The following XPNPEP3 variants were observed in gnomAD, a reference collection of about 807,000 sequenced individuals.
XPNPEP3 encodes the protein X-prolyl aminopeptidase 3.
A neutral mutation model predicts 60.0 loss-of-function variants in XPNPEP3; 41 were observed. The observed-to-expected ratio is 0.68, with a 90% CI of 0.53 to 0.89. XPNPEP3 has a LOEUF of 0.89. Ranked by LOEUF, XPNPEP3 falls within the 40% of genes least tolerant of loss-of-function variation. XPNPEP3 has a pLI of 0.00. For synonymous variants in XPNPEP3, 212 were observed against 223.2 expected (o/e 0.95, Z 0.45); for missense variants, 598 against 638.9 (o/e 0.94, Z 0.69).
At chr22:40,860,772 T>A in intron 1 of XPNPEP3, 3 of 706,646 alleles carry the variant, frequency 4.2e-6, no homozygotes, top group Non-Finnish European at 6.8e-6. Context: ...TCTACCAGCT[T>A]CCCGAGTAGC....
At chr22:40,877,860 C>A (rs1232035502) in intron 2 of XPNPEP3, among the ~76,000 whole-genome samples, 1 of 152,156 alleles carries the variant, frequency 6.6e-6, no homozygotes, top group Non-Finnish European at 1.5e-5. Flanking sequence ...AAGGTCATTG[C>A]TTTAACACAT....
chr22:40,922,184 C>CT, intron 7 of XPNPEP3, 149 bp from the exon 8 acceptor site: 1 of 858,544 alleles, frequency 1.2e-6, no homozygotes, highest in East Asian at 2.6e-5. Flanking sequence ...GATTGAGCTC[C>CT]TGGCCATATT....
At chr22:40,882,614 G>C (rs570126966) in intron 3 of XPNPEP3, among the ~76,000 whole-genome samples, 103 of 151,492 alleles carry the variant, frequency 6.8e-4, no homozygotes, top group South Asian at 4.8e-3. Context: ...TCCAGCCTAG[G>C]CAACAAAGCA....
intron 9 of XPNPEP3, among the ~76,000 whole-genome samples, chr22:40,925,001 A>G (rs1788357435): frequency 6.6e-6 from 1 of 152,214 alleles, no homozygotes; most frequent in African/African-American, 2.4e-5. Flanking sequence ...ATAAGTAGAT[A>G]TTAAGAAATG....
chr22:40,861,471 GC>G, intron 1 of XPNPEP3: 1 of 1,614,138 alleles, frequency 6.2e-7, no homozygotes, highest in South Asian at 1.1e-5. Flanking sequence ...ATTATCAAAA[GC>G]CAGGGAAGAG....
At chr22:40,865,699 G>A (rs184981400) in intron 1 of XPNPEP3, among the ~76,000 whole-genome samples, 15 of 148,884 alleles carry the variant, frequency 1.0e-4, no homozygotes, top group Admixed American at 7.4e-4. Context: ...TGTGGGGGGC[G>A]GGGGGGCAGC....
intron 1 of XPNPEP3, among the ~76,000 whole-genome samples, chr22:40,863,022 C>T (rs1267581951): frequency 6.6e-6 from 1 of 152,172 alleles, no homozygotes; most frequent in Non-Finnish European, 1.5e-5. Flanking sequence ...ATTGCTGAGA[C>T]CTATATGACA....
intron 4 of XPNPEP3, among the ~76,000 whole-genome samples, chr22:40,897,095 A>G (rs1209660712): frequency 7.2e-6 from 1 of 138,950 alleles, no homozygotes; most frequent in African/African-American, 2.7e-5. Context: ...GCAGTGGCGC[A>G]ATCTCGGCTC....
At chr22:40,897,916 C>T (rs2058115373) in intron 4 of XPNPEP3, among the ~76,000 whole-genome samples, 1 of 151,990 alleles carries the variant, frequency 6.6e-6, no homozygotes, top group Non-Finnish European at 1.5e-5. Context: ...TTCCTTTGCC[C>T]ATTTTTTAAA....
chr22:40,911,542 CTTT>C (rs761099280), intron 6 of XPNPEP3, among the ~76,000 whole-genome samples: 2 of 137,570 alleles, frequency 1.5e-5, no homozygotes, highest in African/African-American at 2.6e-5. Flanking sequence ...TTTCTTCTTG[CTTT>C]TTTTTTTTTT....
At chr22:40,916,823 C>G (rs1245356420) in intron 7 of XPNPEP3, among the ~76,000 whole-genome samples, 1 of 152,082 alleles carries the variant, frequency 6.6e-6, no homozygotes, top group Non-Finnish European at 1.5e-5. Context: ...GGCGAGGTGC[C>G]TCATGTAATC....
At chr22:40,916,731 T>C (rs2058197527) in intron 7 of XPNPEP3, among the ~76,000 whole-genome samples, 2 of 152,174 alleles carry the variant, frequency 1.3e-5, no homozygotes, top group Admixed American at 1.3e-4. Context: ...ATATCAAATA[T>C]ATTACAAATG....
At chr22:40,924,317 A>G in intron 8 of XPNPEP3, 45 bp from the exon 9 acceptor site, 2 of 1,613,236 alleles carry the variant, frequency 1.2e-6, no homozygotes, top group Non-Finnish European at 1.7e-6. Context: ...CATTCCCTGT[A>G]AGAGGTCATT....
intron 4 of XPNPEP3, among the ~76,000 whole-genome samples, chr22:40,892,694 C>G (rs2058092656): frequency 6.6e-6 from 1 of 152,046 alleles, no homozygotes; most frequent in Non-Finnish European, 1.5e-5. Flanking sequence ...AAATTTGGGA[C>G]CCCAAAATAT....
intron 6 of XPNPEP3, among the ~76,000 whole-genome samples, chr22:40,910,303 A>G (rs2058172505): frequency 1.3e-5 from 2 of 152,134 alleles, no homozygotes; most frequent in Non-Finnish European, 2.9e-5. Context: ...AAATAGTTGT[A>G]TTACATATAT....
At chr22:40,910,970 TGTACTCCAGCCTGGTGACAGAGCGA>T (rs1453475793) in intron 6 of XPNPEP3, among the ~76,000 whole-genome samples, 1 of 152,212 alleles carries the variant, frequency 6.6e-6, no homozygotes, top group Non-Finnish European at 1.5e-5. Flanking sequence ...ATCGCGCCAC[TGTACTCCAGCCTGGTGACAGAGCGA>T]GACTCCGTCT....
chr22:40,871,596 A>G (rs551094485), intron 2 of XPNPEP3, among the ~76,000 whole-genome samples: 1 of 152,304 alleles, frequency 6.6e-6, no homozygotes, highest in South Asian at 2.1e-4. Flanking sequence ...TAATAATCCC[A>G]CAACTCAGAG....
At chr22:40,869,286 C>A (rs905873992) in intron 2 of XPNPEP3, among the ~76,000 whole-genome samples, 171 bp downstream of exon 2, 5 of 152,072 alleles carry the variant, frequency 3.3e-5, no homozygotes, top group Non-Finnish European at 7.4e-5. Context: ...AGGAGCTGAA[C>A]TTTTTATTTT....
chr22:40,857,289 A>T (rs187750068), intron 1 of XPNPEP3, 44 bp downstream of exon 1: 15 of 1,609,798 alleles, frequency 9.3e-6, no homozygotes, highest in Admixed American at 1.7e-5. Context: ...TGTCCCCTGG[A>T]GGGACCCAAG....
Sources: gnomAD v4.1 joint callset for allele counts (sites outside exome capture counted in the v4.1 genomes callset) on GRCh38, gnomAD v4.1.1 for gene constraint, MANE v1.5 for transcripts, NCBI Gene and HGNC (gene_info 2026-07-23, HGNC 2026-07-21) for gene names.